Variants in PUM1 observed in about 807,000 individuals in gnomAD.
PUM1 encodes pumilio RNA binding family member 1.
A neutral mutation model predicts 131.8 loss-of-function variants in PUM1; 13 were observed. The ratio of observed to expected loss-of-function variants is 0.10; its 90% CI spans 0.06 to 0.16. PUM1 has a LOEUF of 0.16. Among genes scored for constraint, PUM1 ranks in the 10% least tolerant of loss-of-function variants. The probability of loss-of-function intolerance (pLI) is 1.00; values close to 1 mark genes in which losing one functional copy is unlikely to be tolerated. For synonymous variants in PUM1, 509 were observed against 556.5 expected, an observed-to-expected ratio of 0.91 and a Z score of 1.20; for missense variants, 961 against 1,512.4, an observed-to-expected ratio of 0.64 and a Z score of 6.05.
chr1:31,056,801 CTTTAT>C (rs1475027060), intron 2 of PUM1, among the ~76,000 whole-genome samples: 1 of 151,284 alleles, frequency 6.6e-6, no homozygotes, highest in Non-Finnish European at 1.5e-5. Flanking sequence ...TAATTTTTTA[CTTTAT>C]TTTTTGAGAT....
intron 20 of PUM1, among the ~76,000 whole-genome samples, chr1:30,938,187 G>A (rs1639292745): frequency 6.6e-6 from 1 of 152,206 alleles, no homozygotes; most frequent in Admixed American, 6.5e-5. Context: ...TTACAGGCAT[G>A]AGCCACTGTT....
At chr1:30,933,439 T>TACACATACACACAC (rs1553142806) in intron 21 of PUM1, 97 bp from the exon 22 acceptor site, 11 of 363,896 alleles carry the variant, frequency 3.0e-5, no homozygotes, top group Non-Finnish European at 4.9e-5. Flanking sequence ...CACACACACA[T>TACACATACACACAC]ACACACACAC....
chr1:30,931,848 G>C lies in PUM1; in HGVS notation c.*1363C>G, dbSNP rs1638985036. 1 of 152,552 alleles carries C rather than the reference G, an allele frequency of 6.6e-6. No homozygotes were observed. The highest frequency in any genetic ancestry group is 2.1e-4 in the South Asian group (1 of 4,830). 9.4% of individuals were successfully genotyped at this position (152,552 alleles called of 1,614,324 possible). On this transcript the variant is annotated 3_prime_UTR_variant, in exon 22 of 22. Coordinates refer to ENST00000426105, the MANE Select transcript of PUM1 (RefSeq NM_001020658.2). ...AGGTGAGAGGGGCTCTGATTGTAAGGAAAGCTCGGGCAAGGCTAGACTTTT... is the reference window on the plus strand; with the variant it reads ...AGGTGAGAGGGGCTCTGATTGTAAGCAAAGCTCGGGCAAGGCTAGACTTTT...
chr1:30,941,296 A>C, intron 19 of PUM1, 24 bp from the exon 20 acceptor site: 1 of 1,601,320 alleles, frequency 6.2e-7, no homozygotes, highest in East Asian at 2.2e-5. Context: ...AGTAAGAGAA[A>C]TAAAATGTAT....
At chr1:31,037,154 C>T (rs746771161) in intron 2 of PUM1, 1 of 153,176 alleles carries the variant, frequency 6.5e-6, no homozygotes. Flanking sequence ...AAAAACCAGG[C>T]ATCAACTATT....
At chr1:31,017,565 T>C (rs779214584) in intron 3 of PUM1, among the ~76,000 whole-genome samples, 44 of 152,042 alleles carry the variant, frequency 2.9e-4, no homozygotes, top group Non-Finnish European at 5.1e-4. Flanking sequence ...AGTGATAGTG[T>C]ATTTTATGTG....
At chr1:30,993,558 C>G (rs909315976) in intron 6 of PUM1, among the ~76,000 whole-genome samples, 1 of 152,068 alleles carries the variant, frequency 6.6e-6, no homozygotes, top group African/African-American at 2.4e-5. Context: ...CCCAAAAAAT[C>G]CTGTAGTCCA....
chr1:30,989,566 C>T (rs911280394), intron 7 of PUM1, among the ~76,000 whole-genome samples: 22 of 82,720 alleles, frequency 2.7e-4, no homozygotes, highest in African/African-American at 1.1e-3. Flanking sequence ...AGTGAGACTC[C>T]GTCTCAAAAA....
chr1:31,038,974 A>ATTTTTTTTTTTTTT (rs1557599182), intron 2 of PUM1, among the ~76,000 whole-genome samples: 2 of 30,698 alleles, frequency 6.5e-5, no homozygotes, highest in African/African-American at 5.4e-4. Context: ...ATATATATAT[A>ATTTTTTTTTTTTTT]TATATATATA....
intron 7 of PUM1, among the ~76,000 whole-genome samples, chr1:30,987,061 G>A (rs1641590089): frequency 6.6e-6 from 1 of 152,028 alleles, no homozygotes; most frequent in African/African-American, 2.4e-5. Context: ...CCAATTTTGT[G>A]AAACATACTA....
intron 18 of PUM1, among the ~76,000 whole-genome samples, chr1:30,942,803 G>A (rs1007504139): frequency 1.6e-4 from 24 of 152,210 alleles, no homozygotes; most frequent in Non-Finnish European, 3.2e-4. Context: ...GACAAGGCTG[G>A]AGCGCAATGG....
intron 10 of PUM1, among the ~76,000 whole-genome samples, chr1:30,971,631 A>C (rs1457906422): frequency 6.6e-6 from 1 of 152,184 alleles, no homozygotes; most frequent in Non-Finnish European, 1.5e-5. Context: ...CTTATGTTCA[A>C]ATCTTAACAA....
At chr1:31,044,219 G>A (rs1038166529) in intron 2 of PUM1, among the ~76,000 whole-genome samples, 1 of 151,992 alleles carries the variant, frequency 6.6e-6, no homozygotes, top group African/African-American at 2.4e-5. Flanking sequence ...GGCTAACACT[G>A]TGAAACCCCG....
intron 2 of PUM1, among the ~76,000 whole-genome samples, chr1:31,052,629 G>A (rs1644139084): frequency 6.6e-6 from 1 of 151,260 alleles, no homozygotes; most frequent in African/African-American, 2.4e-5. Flanking sequence ...AGCCTCCTGA[G>A]TATCTGGGAT....
At chr1:30,960,416 A>C (rs1557555524) in intron 14 of PUM1, among the ~76,000 whole-genome samples, 1 of 152,222 alleles carries the variant, frequency 6.6e-6, no homozygotes, top group South Asian at 2.1e-4. Flanking sequence ...CAGTGCAATC[A>C]GACAAGAAAA....
intron 18 of PUM1, among the ~76,000 whole-genome samples, chr1:30,944,980 C>G (rs1441916774): frequency 1.3e-5 from 2 of 152,184 alleles, no homozygotes; most frequent in African/African-American, 4.8e-5. Context: ...GCCTGTAATC[C>G]CAGCAACTTC....
intron 2 of PUM1, among the ~76,000 whole-genome samples, chr1:31,029,204 C>CTGAA (rs1249560178): frequency 6.6e-6 from 1 of 152,192 alleles, no homozygotes; most frequent in Non-Finnish European, 1.5e-5. Flanking sequence ...GCAATGATGC[C>CTGAA]TTCAAGATGA....
In PUM1 at chr1:30,965,977, T is replaced by C. The variant is rs1210140406; in HGVS notation, c.2086+5A>G. 6.2e-7 allele frequency: 1 copy of C among 1,607,032 alleles called. No individual in the cohort carries two copies. Among genetic ancestry groups the C allele is most frequent in the Admixed American group, 1.7e-5 (1 of 58,464 alleles). ...GTCTTAAGAGCATATCAGTCTAATT[T>C]CTACCTGCTGTTCCAAACCCTCCAA... On this transcript the variant is annotated splice_donor_5th_base_variant and intron_variant, in intron 13 of 21. Coordinates refer to ENST00000426105, the MANE Select transcript of PUM1 (RefSeq NM_001020658.2).
chr1:31,005,651 A>G (rs1642373746), intron 5 of PUM1, among the ~76,000 whole-genome samples: 1 of 152,214 alleles, frequency 6.6e-6, no homozygotes, highest in Non-Finnish European at 1.5e-5. Context: ...TTATTACTTT[A>G]GTTTTTAAAA....
Sources: gnomAD v4.1 joint callset for allele counts (sites outside exome capture counted in the v4.1 genomes callset) on GRCh38, gnomAD v4.1.1 for gene constraint, MANE v1.5 for transcripts, NCBI Gene and HGNC (gene_info 2026-07-23, HGNC 2026-07-21) for gene names.